NKAIN2: variants seen among roughly 807,000 people sequenced by gnomAD.
The protein encoded by NKAIN2 is sodium/potassium transporting ATPase interacting 2, also known as sodium/potassium-transporting ATPase subunit beta-1-interacting protein 2.
A neutral mutation model predicts 32.6 loss-of-function variants in NKAIN2; 14 were observed. The ratio of observed to expected loss-of-function variants is 0.43; its 90% CI spans 0.28 to 0.67. The LOEUF (loss-of-function observed/expected upper bound fraction) is 0.67. Among genes scored for constraint, NKAIN2 ranks in the 30% least tolerant of loss-of-function variants. The probability of loss-of-function intolerance (pLI) is 0.17; values close to 1 mark genes in which losing one functional copy is unlikely to be tolerated. For synonymous variants in NKAIN2, 80 were observed against 87.2 expected, an observed-to-expected ratio of 0.92 and a Z score of 0.46; for missense variants, 198 against 258.3, an observed-to-expected ratio of 0.77 and a Z score of 1.60.
At chr6:124,274,179 G>A (rs1164359853) in intron 1 of NKAIN2, among the ~76,000 whole-genome samples, 3 of 152,056 alleles carry the variant, frequency 2.0e-5, no homozygotes, top group Admixed American at 6.6e-5. Context: ...TCTATTAACT[G>A]CATTGATAGT....
intron 3 of NKAIN2, among the ~76,000 whole-genome samples, chr6:124,619,520 A>ATT (rs1783031805): frequency 1.3e-5 from 2 of 152,188 alleles, no homozygotes; most frequent in South Asian, 4.1e-4. Flanking sequence ...CACTTGAAGA[A>ATT]AAAACAAAAG....
chr6:124,155,586 A>G (rs1385933036), intron 1 of NKAIN2, among the ~76,000 whole-genome samples: 1 of 151,972 alleles, frequency 6.6e-6, no homozygotes, highest in African/African-American at 2.4e-5. Flanking sequence ...ATATGTGTGT[A>G]ATATATGCTA....
At chr6:124,492,598 AATAAT>A (rs1464028815) in intron 3 of NKAIN2, among the ~76,000 whole-genome samples, 1 of 151,934 alleles carries the variant, frequency 6.6e-6, no homozygotes, top group Non-Finnish European at 1.5e-5. Context: ...ATAACTGATA[AATAAT>A]ATGTTTGTTC....
At chr6:124,750,329 A>G (rs146891343) in intron 4 of NKAIN2, among the ~76,000 whole-genome samples, 14 of 152,086 alleles carry the variant, frequency 9.2e-5, no homozygotes, top group Non-Finnish European at 1.8e-4. Flanking sequence ...TGAGTCTTCC[A>G]TAACTGTGTA....
intron 1 of NKAIN2, among the ~76,000 whole-genome samples, chr6:123,947,591 G>A (rs544077869): frequency 6.6e-6 from 1 of 152,110 alleles, no homozygotes; most frequent in African/African-American, 2.4e-5. Context: ...CCACAGACAT[G>A]GGCTTTAAAG....
chr6:124,669,263 G>A (rs1188123686), intron 4 of NKAIN2, among the ~76,000 whole-genome samples: 1 of 152,092 alleles, frequency 6.6e-6, no homozygotes, highest in Non-Finnish European at 1.5e-5. Flanking sequence ...CATTCATTCA[G>A]TCACTCAACA....
chr6:124,607,361 A>G (rs1389855669), intron 3 of NKAIN2, among the ~76,000 whole-genome samples: 1 of 152,142 alleles, frequency 6.6e-6, no homozygotes, highest in Non-Finnish European at 1.5e-5. Context: ...AAGTGTGAGC[A>G]GTGAGCTTTA....
chr6:124,204,756 A>G (rs974949116), intron 1 of NKAIN2, among the ~76,000 whole-genome samples: 2 of 151,764 alleles, frequency 1.3e-5, no homozygotes, highest in Non-Finnish European at 2.9e-5. Flanking sequence ...TTGGACATGG[A>G]TGAACTGAAA....
chr6:123,839,135 G>C (rs1166227692), intron 1 of NKAIN2, among the ~76,000 whole-genome samples: 3 of 151,812 alleles, frequency 2.0e-5, no homozygotes, highest in Non-Finnish European at 4.4e-5. Context: ...AGCACAGAAG[G>C]CTGGCAGAAC....
chr6:124,622,795 C>G (rs942135934), intron 3 of NKAIN2, among the ~76,000 whole-genome samples: 1 of 152,142 alleles, frequency 6.6e-6, no homozygotes, highest in African/African-American at 2.4e-5. Flanking sequence ...TATCAGCATT[C>G]AGATGTTTCT....
chr6:124,665,869 T>C (rs1772770299), intron 4 of NKAIN2, among the ~76,000 whole-genome samples: 1 of 152,194 alleles, frequency 6.6e-6, no homozygotes, highest in African/African-American at 2.4e-5. Flanking sequence ...AGTCTGTGTA[T>C]CTATACTGTG....
chr6:124,366,354 C>G (rs185992241), intron 3 of NKAIN2, among the ~76,000 whole-genome samples: 5 of 151,960 alleles, frequency 3.3e-5, no homozygotes, highest in Admixed American at 3.3e-4. Context: ...GTGAAATAGA[C>G]AAATTCTTTG....
At chr6:124,368,934 G>T (rs990875052) in intron 3 of NKAIN2, among the ~76,000 whole-genome samples, 4 of 152,016 alleles carry the variant, frequency 2.6e-5, no homozygotes, top group African/African-American at 9.7e-5. Context: ...TCTTTGAGAG[G>T]CTCTTTTGAA....
rs1778175561 is a variant in NKAIN2, at chr6:124,498,954, G to A, written c.273+143607G>A. ...TTTGTTTTGTTTTGTTTTTTGTAGA[G>A]ATGGGGTTTTGCTGTGTTGCCCAGG... On this transcript the variant is annotated intron_variant, in intron 3 of 6. Coordinates refer to ENST00000368417, the MANE Select transcript of NKAIN2 (RefSeq NM_001040214.3). Among the ~76,000 whole-genome samples, 3 of 152,094 alleles carry A rather than the reference G, an allele frequency of 2.0e-5. No individual in the cohort carries two copies. In the South Asian group the frequency reaches 6.2e-4, roughly 32 times the overall value.
intron 1 of NKAIN2, among the ~76,000 whole-genome samples, chr6:123,878,817 C>G (rs1002726280): frequency 6.6e-6 from 1 of 152,058 alleles, no homozygotes; most frequent in African/African-American, 2.4e-5. Flanking sequence ...CTCCTTCGTT[C>G]TCCCTTCCAA....
intron 1 of NKAIN2, among the ~76,000 whole-genome samples, chr6:124,056,118 G>T (rs539737044): frequency 8.2e-4 from 124 of 152,132 alleles, no homozygotes; most frequent in African/African-American, 2.9e-3. Context: ...ACACAATCTT[G>T]CAGTAGATTT....
chr6:124,417,914 AAGTTAT>A (rs1774567715), intron 3 of NKAIN2, among the ~76,000 whole-genome samples: 1 of 152,188 alleles, frequency 6.6e-6, no homozygotes. Context: ...GTGAAATATA[AAGTTAT>A]AGTTAAAGGG....
chr6:124,056,637 T>G (rs1450157460), intron 1 of NKAIN2, among the ~76,000 whole-genome samples: 1 of 152,056 alleles, frequency 6.6e-6, no homozygotes, highest in African/African-American at 2.4e-5. Context: ...AAGACATTAA[T>G]GGCTACACGT....
At chr6:123,951,051 T>C (rs1777302944) in intron 1 of NKAIN2, among the ~76,000 whole-genome samples, 1 of 152,050 alleles carries the variant, frequency 6.6e-6, no homozygotes, top group Non-Finnish European at 1.5e-5. Context: ...TTGTTTAACT[T>C]CCATCTATTT....
Sources: allele counts gnomAD v4.1 joint callset (sites outside exome capture counted in the v4.1 genomes callset), GRCh38; gene constraint gnomAD v4.1.1; transcripts MANE v1.5; gene names NCBI Gene and HGNC (gene_info 2026-07-23, HGNC 2026-07-21).